PTPN13: variants seen among roughly 807,000 people sequenced by gnomAD.
PTPN13 encodes the protein tyrosine-protein phosphatase non-receptor type 13.
A neutral mutation model predicts 284.0 loss-of-function variants in PTPN13; 191 were observed. That is an observed-to-expected ratio of 0.67 (90% confidence interval 0.60 to 0.76). The LOEUF (loss-of-function observed/expected upper bound fraction) is 0.76. PTPN13 is among the 30% of genes least tolerant of loss of function. The pLI, the probability that PTPN13 is intolerant of heterozygous loss-of-function variation, is 0.00. For synonymous variants in PTPN13, 986 were observed against 1,022.3 expected (o/e 0.96, Z 0.68); for missense variants, 2,797 against 2,939.9 (o/e 0.95, Z 1.12).
chr4:86,719,214 G>A (rs1733373015), intron 9 of PTPN13, among the ~76,000 whole-genome samples: 1 of 152,112 alleles, frequency 6.6e-6, no homozygotes. Flanking sequence ...CCACTTACAA[G>A]TGAGAACATG....
intron 1 of PTPN13, among the ~76,000 whole-genome samples, chr4:86,631,678 G>T (rs986506435): frequency 6.6e-6 from 1 of 151,994 alleles, no homozygotes; most frequent in African/African-American, 2.4e-5. Flanking sequence ...TACAAAAAAA[G>T]TTTAAATAAA....
chr4:86,651,215 T>G (rs954499000), intron 2 of PTPN13, among the ~76,000 whole-genome samples: 2 of 152,230 alleles, frequency 1.3e-5, no homozygotes, highest in African/African-American at 4.8e-5. Flanking sequence ...ATATCTACCA[T>G]TGATTGATTT....
intron 17 of PTPN13, among the ~76,000 whole-genome samples, chr4:86,747,418 T>C (rs1276154065): frequency 6.6e-6 from 1 of 152,216 alleles, no homozygotes; most frequent in African/African-American, 2.4e-5. Context: ...ATTCAGTAAA[T>C]ATTTACTGAA....
intron 10 of PTPN13, among the ~76,000 whole-genome samples, chr4:86,724,458 A>G (rs906584167): frequency 6.6e-6 from 1 of 152,212 alleles, no homozygotes; most frequent in East Asian, 1.9e-4. Context: ...ATAGCATGCC[A>G]CTGTGATATG....
chr4:86,725,057 A>T (rs931751804), intron 10 of PTPN13, among the ~76,000 whole-genome samples: 2 of 148,260 alleles, frequency 1.3e-5, no homozygotes, highest in African/African-American at 5.0e-5. Context: ...TATGAGTGAG[A>T]ACATGTGGTG....
intron 2 of PTPN13, among the ~76,000 whole-genome samples, chr4:86,671,642 AG>A (rs1366864296): frequency 1.3e-5 from 2 of 152,206 alleles, no homozygotes; most frequent in African/African-American, 4.8e-5. Context: ...TAAAACAAAA[AG>A]TTAAGGGACC....
intron 2 of PTPN13, among the ~76,000 whole-genome samples, chr4:86,654,933 G>A (rs1007069246): frequency 1.3e-5 from 2 of 152,102 alleles, no homozygotes; most frequent in Non-Finnish European, 2.9e-5. Context: ...TCCTGTATTG[G>A]GTGCATATAT....
At chr4:86,766,171 C>T (rs1028751908) in intron 26 of PTPN13, among the ~76,000 whole-genome samples, 1 of 152,202 alleles carries the variant, frequency 6.6e-6, no homozygotes, top group African/African-American at 2.4e-5. Context: ...AACTTTCCTC[C>T]AATCTCTATA....
intron 14 of PTPN13, 149 bp downstream of exon 14, chr4:86,735,024 T>C (rs1220279130): frequency 2.4e-6 from 2 of 845,322 alleles, no homozygotes; most frequent in African/African-American, 1.7e-5. Context: ...AAGCACTCCA[T>C]GTATATCAAT....
rs1271674547 is a variant in PTPN13 at position 86,758,262 on chromosome 4, G to A, written c.3226G>A (p.Val1076Met). Residue 1076 changes from valine (V) to methionine (M), a missense_variant and splice_region_variant, in exon 21 of 48, where the codon GTG becomes ATG. By Grantham distance (21) the Val-to-Met change is conservative. Transcript: ENST00000411767. ...TTTAAATTATAAATTCCCAATAGAT[G>A]TGCTACACAAAAGATGGAGCATAGT... ...SSQVPLKEND[V>M]LHKRWSIVSS... The A allele has an allele frequency of 6.3e-7, 1 of 1,597,096 alleles. No homozygotes were observed. The highest frequency in any genetic ancestry group is 1.7e-4 in the Middle Eastern group (1 of 6,026).
intron 3 of PTPN13, among the ~76,000 whole-genome samples, chr4:86,673,790 C>T (rs1437127554): frequency 6.6e-6 from 1 of 152,172 alleles, no homozygotes; most frequent in East Asian, 1.9e-4. Flanking sequence ...TTACTGCAAC[C>T]TCTGCCTCCT....
rs187360155 is a variant in PTPN13 at position 86,748,581 on chromosome 4, G to A, written c.2651-1889G>A. 1.4e-4 allele frequency among the ~76,000 whole-genome samples: 22 copies of A among 152,188 alleles called. No individual in the cohort carries two copies. The East Asian group carries it at 4.0e-3, about 28-fold the overall frequency. On this transcript the variant is annotated intron_variant, in intron 17 of 47. Coordinates refer to ENST00000411767, the MANE Select transcript of PTPN13 (RefSeq NM_080683.3). ...ACTTTATTTTGCTTCTTTGATTACA[G>A]GCTACTCGTAAAGTAAATGAAAATA...
At chr4:86,657,773 T>G (rs935428995) in intron 2 of PTPN13, among the ~76,000 whole-genome samples, 6 of 152,140 alleles carry the variant, frequency 3.9e-5, no homozygotes, top group Non-Finnish European at 7.4e-5. Flanking sequence ...AGAAACACCA[T>G]CTAGGAGCAA....
In PTPN13 at chr4:86,758,659, A is replaced by G; in HGVS notation, c.3314-19A>G. 1.9e-6 allele frequency: 3 copies of G among 1,589,870 alleles called. No individual in the cohort carries two copies. Among genetic ancestry groups the G allele is most frequent in the Non-Finnish European group, 2.6e-6 (3 of 1,159,254 alleles). On this transcript the variant is annotated intron_variant, in intron 21 of 47. Coordinates refer to ENST00000411767, the MANE Select transcript of PTPN13 (RefSeq NM_080683.3). ...AAAGCAGCAATATGAAAATCTTTTT[A>G]AAATGTGTTATTTTACAGGATTTCA... is the stretch of plus-strand genomic sequence containing the variant.
At chr4:86,742,197 A>G (rs879394635) in intron 16 of PTPN13, among the ~76,000 whole-genome samples, 2 of 152,212 alleles carry the variant, frequency 1.3e-5, no homozygotes, top group Admixed American at 6.5e-5. Context: ...GTCTGGCCCA[A>G]TAGTAAACCC....
chr4:86,595,721 G>T, intron 1 of PTPN13: 1 of 985,668 alleles, frequency 1.0e-6, no homozygotes. Flanking sequence ...GGGGCAATCG[G>T]GTTTGTTTTC....
At chr4:86,776,793 A>G (rs749091557) in intron 35 of PTPN13, among the ~76,000 whole-genome samples, 7 of 152,226 alleles carry the variant, frequency 4.6e-5, no homozygotes, top group Non-Finnish European at 8.8e-5. Context: ...TTTATTGAAT[A>G]CTGTAATGGA....
chr4:86,691,333 G>T (rs1730005245), intron 5 of PTPN13, among the ~76,000 whole-genome samples: 1 of 152,166 alleles, frequency 6.6e-6, no homozygotes, highest in Non-Finnish European at 1.5e-5. Flanking sequence ...CTGTGAAATG[G>T]GAAAGCAGGA....
intron 2 of PTPN13, among the ~76,000 whole-genome samples, chr4:86,652,527 T>C (rs1248501212): frequency 6.6e-6 from 1 of 152,210 alleles, no homozygotes; most frequent in Non-Finnish European, 1.5e-5. Context: ...TTTTGCTGGA[T>C]ATAATATTCT....
Sources: allele counts gnomAD v4.1 joint callset (sites outside exome capture counted in the v4.1 genomes callset), GRCh38; gene constraint gnomAD v4.1.1; transcripts MANE v1.5; gene names NCBI Gene and HGNC (gene_info 2026-07-23, HGNC 2026-07-21).